GPR141: variants seen among roughly 807,000 people sequenced by gnomAD.
The protein encoded by GPR141 is probable G protein-coupled receptor 141.
Under a neutral mutation model 6.8 loss-of-function variants are expected in GPR141, and 6 were observed. That is an observed-to-expected ratio of 0.88 (90% CI 0.48 to 1.74). The LOEUF (loss-of-function observed/expected upper bound fraction) is 1.74, where lower values mean the gene tolerates loss of function less well. GPR141 is among the 40% of genes most tolerant of loss of function. The pLI is 0.01. For missense variants in GPR141, 372 were observed against 372.9 expected (o/e 1.00, Z 0.02); for synonymous variants, 140 against 142.3 (o/e 0.98, Z 0.11).
rs547376685 is a variant in GPR141 at position 37,692,437 on chromosome 7, A to C, written c.-15+6854A>C. Among the ~76,000 whole-genome samples the C allele has an allele frequency of 2.0e-5, 3 of 152,292 alleles. No individual in the cohort carries two copies. The South Asian group carries it at 6.2e-4, about 32-fold the overall frequency. ...TTGGATCCAAGTCTTTGCTATTGTG[A>C]ATAGTGCAGCAATAAACATACATGT... On this transcript the variant is annotated intron_variant, in intron 2 of 2. Transcript: ENST00000334425.
At chr7:37,687,233 T>C (rs1809550191) in intron 2 of GPR141, among the ~76,000 whole-genome samples, 1 of 152,096 alleles carries the variant, frequency 6.6e-6, no homozygotes, top group Non-Finnish European at 1.5e-5. Flanking sequence ...CCAGGAACAA[T>C]TCCACTAAAG....
At chr7:37,705,612 C>G (rs1810491425) in intron 2 of GPR141, among the ~76,000 whole-genome samples, 1 of 152,040 alleles carries the variant, frequency 6.6e-6, no homozygotes, top group Non-Finnish European at 1.5e-5. Flanking sequence ...CTTGGTAAAC[C>G]TGATTTGAAG....
chr7:37,712,252 C>G lies in GPR141; in HGVS notation c.-15+26669C>G, dbSNP rs920432407. Among the ~76,000 whole-genome samples, 6 of 152,150 alleles carry G rather than the reference C, an allele frequency of 3.9e-5. No individual in the cohort carries two copies. In the South Asian group the frequency reaches 1.2e-3, roughly 32 times the overall value. On this transcript the variant is annotated intron_variant, in intron 2 of 2. Coordinates refer to ENST00000334425, the MANE Select transcript of GPR141 (RefSeq NM_001381946.1). ...TGGTACACAGCAAGAGAGAAGCAAT[C>G]AAATTCCCACCTGTGATCCCCTTGA...
At chr7:37,731,152 TA>T (rs1321945471) in intron 2 of GPR141, among the ~76,000 whole-genome samples, 1 of 152,248 alleles carries the variant, frequency 6.6e-6, no homozygotes, top group Non-Finnish European at 1.5e-5. Context: ...CTGCAGATTT[TA>T]ATGTTTCAAA....
At chr7:37,687,743 G>A (rs1260712403) in intron 2 of GPR141, among the ~76,000 whole-genome samples, 1 of 152,068 alleles carries the variant, frequency 6.6e-6, no homozygotes, top group Admixed American at 6.6e-5. Context: ...ATTCAAGACT[G>A]GTAGCACACA....
intron 2 of GPR141, among the ~76,000 whole-genome samples, chr7:37,693,078 C>T (rs934428405): frequency 1.3e-5 from 2 of 152,148 alleles, no homozygotes; most frequent in Admixed American, 6.5e-5. Flanking sequence ...AGCCTTTGCC[C>T]ATGCCTATGT....
intron 2 of GPR141, among the ~76,000 whole-genome samples, chr7:37,701,350 G>T (rs900272818): frequency 5.3e-5 from 8 of 152,062 alleles, no homozygotes; most frequent in Non-Finnish European, 1.5e-5. Context: ...TGTTTGAGTG[G>T]GTTGTTGGGA....
At position 37,689,954 on chromosome 7, in the gene GPR141, T is replaced by C. The variant is rs1358560019; in HGVS notation, c.-15+4371T>C. Among the ~76,000 whole-genome samples, 6 of 152,096 alleles carry C rather than the reference T, an allele frequency of 3.9e-5. No individual in the cohort carries two copies. The East Asian group carries it at 5.8e-4, about 15-fold the overall frequency. On this transcript the variant is annotated intron_variant, in intron 2 of 2. Coordinates refer to ENST00000334425, the MANE Select transcript of GPR141 (RefSeq NM_001381946.1). ...CCTTCTTCTAATTTGGGGTTTGTTT[T>C]GTTTTTGTTTTTCTAGTCCCTAGAG... is the stretch of plus-strand genomic sequence containing the variant.
At chr7:37,724,752 A>G (rs1038654703) in intron 2 of GPR141, among the ~76,000 whole-genome samples, 4 of 152,210 alleles carry the variant, frequency 2.6e-5, no homozygotes, top group Middle Eastern at 3.2e-3. Context: ...ACCTTTTCTC[A>G]GAACAACCTG....
chr7:37,722,871 T>C (rs986423453), intron 2 of GPR141, among the ~76,000 whole-genome samples: 1 of 151,670 alleles, frequency 6.6e-6, no homozygotes, highest in Non-Finnish European at 1.5e-5. Context: ...TAGCAGAAAA[T>C]ACACTAATAT....
intron 2 of GPR141, among the ~76,000 whole-genome samples, chr7:37,712,669 T>G (rs1583547607): frequency 2.6e-5 from 4 of 152,250 alleles, no homozygotes; most frequent in Admixed American, 2.6e-4. Context: ...ATGGGGACAA[T>G]AATTTTAAAA....
At chr7:37,719,092 A>G (rs963942772) in intron 2 of GPR141, among the ~76,000 whole-genome samples, 1 of 152,180 alleles carries the variant, frequency 6.6e-6, no homozygotes, top group South Asian at 2.1e-4. Context: ...TGTGATGTGG[A>G]GCATGGCCAG....
chr7:37,724,198 C>G (rs1005826296), intron 2 of GPR141, among the ~76,000 whole-genome samples: 3 of 152,136 alleles, frequency 2.0e-5, no homozygotes, highest in Non-Finnish European at 1.5e-5. Context: ...AAGGATAGCT[C>G]AAATCCAGAA....
rs138825304 is a variant in GPR141, at chr7:37,742,421, T to C, written c.*1110T>C. ...GCCCCCCACCCCTGGACAGGCCCCA[T>C]TGTGTGATGTTCCCCTCCCTGTGTC... On this transcript the variant is annotated 3_prime_UTR_variant, in exon 3 of 3. Transcript: ENST00000334425. 2.4e-3 allele frequency among the ~76,000 whole-genome samples: 343 copies of C among 145,694 alleles called. 1 individual carries two copies. Among genetic ancestry groups the C allele is most frequent in the East Asian group, 0.01 (45 of 4,474 alleles).
At chr7:37,707,306 C>A (rs556787375) in intron 2 of GPR141, among the ~76,000 whole-genome samples, 3 of 152,268 alleles carry the variant, frequency 2.0e-5, no homozygotes, top group Admixed American at 1.3e-4. Context: ...TCAATGTAGG[C>A]TTAGAGAGGT....
At chr7:37,697,437 A>G (rs1026168) in intron 2 of GPR141, among the ~76,000 whole-genome samples, 62,865 of 151,834 alleles carry the variant, frequency 0.41, 13,459 homozygotes, top group African/African-American at 0.5. Context: ...TAAAAACTTT[A>G]AAGCCTTATA....
chr7:37,720,471 A>G (rs1398149886), intron 2 of GPR141, among the ~76,000 whole-genome samples: 1 of 152,198 alleles, frequency 6.6e-6, no homozygotes, highest in African/African-American at 2.4e-5. Flanking sequence ...GGCCGGCACC[A>G]TGGCTCATGC....
chr7:37,725,763 T>C (rs1811596863), intron 2 of GPR141, among the ~76,000 whole-genome samples: 1 of 152,194 alleles, frequency 6.6e-6, no homozygotes, highest in African/African-American at 2.4e-5. Flanking sequence ...AGGAACAAAT[T>C]ATAAATTGTG....
chr7:37,696,486 A>T (rs958477064), intron 2 of GPR141, among the ~76,000 whole-genome samples: 1 of 152,000 alleles, frequency 6.6e-6, no homozygotes, highest in African/African-American at 2.4e-5. Flanking sequence ...TATATTGTCA[A>T]TTCCCTTCTT....
Sources: allele counts gnomAD v4.1 joint callset (sites outside exome capture counted in the v4.1 genomes callset), GRCh38; gene constraint gnomAD v4.1.1; transcripts MANE v1.5; gene names NCBI Gene and HGNC (gene_info 2026-07-23, HGNC 2026-07-21).